EEA1: variants seen among roughly 807,000 people sequenced by gnomAD.
EEA1 encodes early endosome antigen 1, 162kD.
Under a neutral mutation model 209.2 loss-of-function variants are expected in EEA1, and 111 were observed. The ratio of observed to expected loss-of-function variants is 0.53; its 90% CI spans 0.45 to 0.62. The LOEUF is 0.62. Ranked by LOEUF, EEA1 falls within the 20% of genes least tolerant of loss-of-function variation. The probability of loss-of-function intolerance (pLI) is 0.00; values close to 1 mark genes in which losing one functional copy is unlikely to be tolerated. For synonymous variants in EEA1, 536 were observed against 540.6 expected (o/e 0.99, Z 0.12); for missense variants, 1,343 against 1,530.8 (o/e 0.88, Z 2.05).
intron 2 of EEA1, among the ~76,000 whole-genome samples, chr12:92,872,127 C>A (rs964211920): frequency 6.6e-5 from 10 of 150,430 alleles, no homozygotes; most frequent in African/African-American, 2.2e-4. Flanking sequence ...TGGCTCACTG[C>A]AACCTCCTCC....
chr12:92,894,985 G>A (rs1036009082), intron 1 of EEA1, among the ~76,000 whole-genome samples: 2 of 152,164 alleles, frequency 1.3e-5, no homozygotes, highest in African/African-American at 4.8e-5. Context: ...TAATGCAGCT[G>A]ATGACTTTTA....
chr12:92,898,113 AAACTAG>A (rs1433526271), intron 1 of EEA1, among the ~76,000 whole-genome samples: 3 of 152,188 alleles, frequency 2.0e-5, no homozygotes, highest in African/African-American at 7.2e-5. Flanking sequence ...ATAAATCAGG[AAACTAG>A]AACAAGTACA....
In EEA1 at chr12:92,837,046, G is replaced by A. The variant is rs192979602; in HGVS notation, c.916-4196C>T. Among the ~76,000 whole-genome samples, 599 of 151,384 alleles carry A rather than the reference G, an allele frequency of 4.0e-3. 12 individuals are homozygous for A. Among genetic ancestry groups the A allele is most frequent in the Admixed American group, 0.019 (292 of 15,218 alleles). On this transcript the variant is annotated intron_variant, in intron 10 of 28. Coordinates refer to ENST00000322349, the MANE Select transcript of EEA1 (RefSeq NM_003566.4). The stretch of plus-strand genomic sequence containing the variant: ...TGAGGCAAGAGAATCACTTGAACTC[G>A]GGAGATGGAGGTTGCAGTGAGCTGA...
chr12:92,842,471 T>C lies in EEA1; in HGVS notation c.909A>G (p.Lys303=). 1.3e-6 allele frequency: 2 copies of C among 1,529,888 alleles called. No homozygotes were observed. The highest frequency in any genetic ancestry group is 1.7e-5 in the Admixed American group (1 of 58,656). The allele number at this position is 1,529,888 out of a possible 1,614,324, so 94.8% of individuals were successfully genotyped here. The change falls in exon 10 of 29, where the codon AAA becomes AAG. Residue 303 remains lysine (K), a synonymous_variant. Coordinates refer to ENST00000322349, the MANE Select transcript of EEA1 (RefSeq NM_003566.4). ...ATAGCTTTAAAATTCTCACCTGATTTTTTTGTGTTAATTCATTAACTGAAC... is the reference window on the plus strand; with the variant it reads ...ATAGCTTTAAAATTCTCACCTGATTCTTTTGTGTTAATTCATTAACTGAAC... The part of the protein sequence containing the change: ...LKSSVNELTQ[K]NQTLTENLLK...
Position 92,819,476 on chromosome 12 carries a change from A to G in EEA1, c.1560T>C (p.Asp520=). 2 of 1,607,976 alleles carry G rather than the reference A, an allele frequency of 1.2e-6. No individual in the cohort carries two copies. The highest frequency in any genetic ancestry group is 1.1e-5 in the South Asian group (1 of 89,238). Residue 520 remains aspartate, a synonymous_variant, in exon 14 of 29, where the codon GAT becomes GAC. Transcript: ENST00000322349. ...CAAGGTTCTGGATCTTTTGGTCCTT[A>G]TCGCCAATTTGACGTAGAACTTGTT... ...DLEQVLRQIG[D]KDQKIQNLEA... is the part of the protein sequence containing the mutation.
intron 14 of EEA1, 50 bp downstream of exon 14, chr12:92,819,258 T>TAGAG: frequency 7.0e-7 from 1 of 1,437,126 alleles, no homozygotes; most frequent in Non-Finnish European, 9.5e-7. Flanking sequence ...TAGTAAGACT[T>TAGAG]AGAGAGACAG....
At chr12:92,902,892 A>G (rs986089331) in intron 1 of EEA1, among the ~76,000 whole-genome samples, 7 of 152,244 alleles carry the variant, frequency 4.6e-5, no homozygotes, top group South Asian at 2.1e-4. Flanking sequence ...TATGTTCAAA[A>G]TGAAGAAACT....
At chr12:92,834,046 G>GA (rs981741103) in intron 10 of EEA1, among the ~76,000 whole-genome samples, 2 of 152,030 alleles carry the variant, frequency 1.3e-5, no homozygotes, top group African/African-American at 4.8e-5. Flanking sequence ...AGACATGAAG[G>GA]AAAAGGCAAA....
At chr12:92,792,852 C>T (rs189927703) in intron 21 of EEA1, among the ~76,000 whole-genome samples, 2 of 152,314 alleles carry the variant, frequency 1.3e-5, no homozygotes, top group East Asian at 3.9e-4. Flanking sequence ...AGGTCAATAT[C>T]CCTGATGAAC....
chr12:92,898,455 G>A (rs1197957422), intron 1 of EEA1, among the ~76,000 whole-genome samples: 2 of 152,050 alleles, frequency 1.3e-5, no homozygotes, highest in Non-Finnish European at 2.9e-5. Flanking sequence ...CTTCAGGTTA[G>A]GAGTTTGAGA....
chr12:92,929,079 A>C lies in EEA1; in HGVS notation c.-13T>G. ...TCCTCCTTAACATGGTTTAACCACC[A>C]CCCGGCGCCGCCGCGGTGACTCTCC... is the stretch of plus-strand genomic sequence containing the variant. On this transcript the variant is annotated 5_prime_UTR_variant, in exon 1 of 29. Transcript: ENST00000322349. 1 of 1,581,264 alleles carries C rather than the reference A, an allele frequency of 6.3e-7. No homozygotes were observed.
chr12:92,816,223 T>C lies in EEA1; in HGVS notation c.1906A>G (p.Lys636Glu), dbSNP rs1347645594. ...ACCTGTATGTCAAGCTGGGAGACCT[T>C]CTCCTTGCTTTCATTTAATTGACTA... is the stretch of plus-strand genomic sequence containing the variant. ...LNSQLNESKE[K>E]VSQLDIQIKA... Residue 636 changes from lysine to glutamate, a missense_variant, in exon 15 of 29, where the codon AAG becomes GAG. Coordinates refer to ENST00000322349, the MANE Select transcript of EEA1 (RefSeq NM_003566.4). The C allele has an allele frequency of 6.2e-7, 1 of 1,613,794 alleles. No individual in the cohort carries two copies. Among genetic ancestry groups the C allele is most frequent in the Admixed American group, 1.7e-5 (1 of 59,998 alleles).
intron 3 of EEA1, chr12:92,859,001 T>C: frequency 1.5e-6 from 1 of 683,748 alleles, no homozygotes; most frequent in Non-Finnish European, 2.7e-6. Flanking sequence ...GCAAAATCCC[T>C]TGTTAAAGGA....
intron 2 of EEA1, among the ~76,000 whole-genome samples, chr12:92,869,752 C>CA (rs71069185): frequency 0.031 from 842 of 26,772 alleles, 231 homozygotes; most frequent in East Asian, 0.05. Context: ...GATTCTGCCT[C>CA]AAAAAAAAAA....
chr12:92,842,716 A>G (rs1449187757), intron 9 of EEA1, 135 bp from the exon 10 acceptor site: 10 of 584,688 alleles, frequency 1.7e-5, no homozygotes, highest in Non-Finnish European at 3.0e-5. Context: ...TTATCCTACC[A>G]CCTATACTGC....
intron 1 of EEA1, among the ~76,000 whole-genome samples, chr12:92,912,684 G>A (rs1278953497): frequency 6.6e-6 from 1 of 152,112 alleles, no homozygotes; most frequent in Admixed American, 6.6e-5. Context: ...GTACAGAATA[G>A]GTAATTTTTC....
chr12:92,857,395 C>T (rs773478566), intron 4 of EEA1, 36 bp downstream of exon 4: 1 of 1,573,742 alleles, frequency 6.4e-7, no homozygotes, highest in Non-Finnish European at 8.6e-7. Context: ...ATCTGAAACA[C>T]TGAAAATAAA....
At chr12:92,868,097 A>C (rs187783614) in intron 2 of EEA1, among the ~76,000 whole-genome samples, 2 of 152,358 alleles carry the variant, frequency 1.3e-5, no homozygotes, top group East Asian at 3.9e-4. Context: ...ATAATCTCCT[A>C]TGAAACTCCT....
chr12:92,804,171 T>A (rs1191843884), intron 18 of EEA1, among the ~76,000 whole-genome samples: 1 of 152,184 alleles, frequency 6.6e-6, no homozygotes, highest in East Asian at 1.9e-4. Context: ...TACATATATG[T>A]GCACATGGAA....
Sources: gnomAD v4.1 joint callset for allele counts (sites outside exome capture counted in the v4.1 genomes callset) on GRCh38, gnomAD v4.1.1 for gene constraint, MANE v1.5 for transcripts, NCBI Gene and HGNC (gene_info 2026-07-23, HGNC 2026-07-21) for gene names.